MME: variants seen among roughly 807,000 people sequenced by gnomAD.
The protein encoded by MME is membrane metalloendopeptidase.
MME carries 98 observed loss-of-function variants against 113.2 expected under a neutral mutation model. The ratio of observed to expected loss-of-function variants is 0.87; its 90% CI spans 0.74 to 1.02. MME has a LOEUF of 1.02. Ranked by LOEUF, MME falls within the 50% of genes least tolerant of loss-of-function variation. The pLI, the probability that MME is intolerant of heterozygous loss-of-function variation, is 0.00. For synonymous variants in MME, 292 were observed against 300.6 expected (o/e 0.97, Z 0.30); for missense variants, 836 against 896.0 (o/e 0.93, Z 0.86).
intron 20 of MME, among the ~76,000 whole-genome samples, chr3:155,171,228 G>A (rs144641381): frequency 5.3e-5 from 8 of 152,234 alleles, no homozygotes; most frequent in East Asian, 1.9e-4. Flanking sequence ...AATTCTTAAC[G>A]TGTAATGCCT....
chr3:155,050,104 A>G (rs1713709244), intron 1 of MME, among the ~76,000 whole-genome samples: 1 of 152,048 alleles, frequency 6.6e-6, no homozygotes, highest in Admixed American at 6.6e-5. Context: ...CTCTTCCTGC[A>G]TTAGTTTGCT....
chr3:155,032,295 T>C (rs1000456915), intron 1 of MME, among the ~76,000 whole-genome samples: 2 of 152,218 alleles, frequency 1.3e-5, no homozygotes, highest in Non-Finnish European at 2.9e-5. Flanking sequence ...GATTACAAAT[T>C]TTCCCTTAAG....
chr3:155,084,443 A>C, intron 2 of MME, 116 bp downstream of exon 2: 1 of 997,978 alleles, frequency 1.0e-6, no homozygotes, highest in Non-Finnish European at 1.6e-6. Context: ...AAAGACTGAC[A>C]AAGAGATTCA....
chr3:155,073,506 A>C (rs138721498), intron 1 of MME, among the ~76,000 whole-genome samples: 1 of 152,340 alleles, frequency 6.6e-6, no homozygotes, highest in African/African-American at 2.4e-5. Context: ...TGTTTTAAAC[A>C]ATAGTAGTGG....
chr3:155,038,716 A>G (rs922151932), intron 1 of MME, among the ~76,000 whole-genome samples: 1 of 152,022 alleles, frequency 6.6e-6, no homozygotes, highest in Non-Finnish European at 1.5e-5. Flanking sequence ...CTTCTTTACA[A>G]TTTCGTGTAT....
intron 3 of MME, among the ~76,000 whole-genome samples, chr3:155,113,987 A>C (rs912019809): frequency 5.9e-5 from 9 of 152,210 alleles, no homozygotes; most frequent in Non-Finnish European, 1.2e-4. Context: ...GCTGGAAACC[A>C]TGTTTACCAT....
At chr3:155,060,723 TG>T (rs1393288526) in intron 1 of MME, among the ~76,000 whole-genome samples, 2 of 150,842 alleles carry the variant, frequency 1.3e-5, no homozygotes, top group African/African-American at 5.0e-5. Flanking sequence ...TTCTGGAGGG[TG>T]GAAGTCTGTA....
intron 1 of MME, among the ~76,000 whole-genome samples, chr3:155,047,390 C>A (rs1405814337): frequency 1.3e-5 from 2 of 152,132 alleles, no homozygotes; most frequent in Non-Finnish European, 2.9e-5. Flanking sequence ...TAAGCTGTAT[C>A]ATCTAGGTTT....
At chr3:155,101,640 C>T (rs1002785696) in intron 3 of MME, among the ~76,000 whole-genome samples, 4 of 152,138 alleles carry the variant, frequency 2.6e-5, no homozygotes, top group Admixed American at 2.6e-4. Context: ...AGCTCTTAAC[C>T]TCATGACCTT....
In MME at chr3:155,180,388, G is replaced by A; in HGVS notation, c.2182G>A (p.Glu728Lys). The A allele has an allele frequency of 6.2e-7, 1 of 1,613,612 alleles. No homozygotes were observed. Among genetic ancestry groups the A allele is most frequent in the Non-Finnish European group, 8.5e-7 (1 of 1,179,580 alleles). Residue 728 changes from glutamate (E) to lysine (K), a missense_variant, in exon 23 of 23, where the codon GAG (glutamate) becomes AAG (lysine). By Grantham distance (56) the Glu-to-Lys change is moderately conservative (BLOSUM62 1). Coordinates refer to ENST00000360490, the MANE Select transcript of MME (RefSeq NM_007289.4). ...RIIGTLQNSA[E>K]FSEAFHCRKN... ...TATTGGGACTTTGCAGAACTCTGCA[G>A]AGTTTTCAGAAGCCTTTCACTGCCG...
At chr3:155,144,596 AAG>A in intron 14 of MME, 139 bp downstream of exon 14, 1 of 646,446 alleles carries the variant, frequency 1.5e-6, no homozygotes, top group Non-Finnish European at 2.8e-6. Flanking sequence ...TGTTTCCAGA[AAG>A]AGTTTTTGTG....
At chr3:155,047,413 T>C (rs75716178) in intron 1 of MME, among the ~76,000 whole-genome samples, 6,652 of 152,238 alleles carry the variant, frequency 0.044, 159 homozygotes, top group African/African-American at 0.052. Flanking sequence ...GTAAGTACAC[T>C]CTATGGTATT....
At chr3:155,137,327 G>T (rs886188232) in intron 8 of MME, among the ~76,000 whole-genome samples, 1 of 152,152 alleles carries the variant, frequency 6.6e-6, no homozygotes, top group Non-Finnish European at 1.5e-5. Flanking sequence ...CAGATAAAAA[G>T]AAGTGTGATT....
At chr3:155,040,158 T>G (rs1047113174) in intron 1 of MME, among the ~76,000 whole-genome samples, 1 of 151,950 alleles carries the variant, frequency 6.6e-6, no homozygotes, top group Non-Finnish European at 1.5e-5. Flanking sequence ...AAAGGAGAGG[T>G]TGATTGGCTT....
chr3:155,180,247 T>C, intron 22 of MME, 113 bp from the exon 23 acceptor site: 1 of 831,588 alleles, frequency 1.2e-6, no homozygotes. Context: ...TAAGTTTAAC[T>C]TTAAATTCCA....
chr3:155,066,460 G>A (rs1714382420), intron 1 of MME, among the ~76,000 whole-genome samples: 1 of 152,116 alleles, frequency 6.6e-6, no homozygotes, highest in Admixed American at 6.6e-5. Context: ...AATAGTGGAG[G>A]CACCTCCTTG....
intron 22 of MME, among the ~76,000 whole-genome samples, chr3:155,179,497 A>C (rs768880984): frequency 1.6e-4 from 24 of 152,204 alleles, no homozygotes; most frequent in Admixed American, 5.9e-4. Flanking sequence ...AGAATTCCAT[A>C]AATCAAAATG....
intron 1 of MME, among the ~76,000 whole-genome samples, chr3:155,070,883 T>G (rs1714528243): frequency 1.3e-5 from 2 of 152,174 alleles, no homozygotes; most frequent in Non-Finnish European, 2.9e-5. Flanking sequence ...ATTGAGCAGA[T>G]GTCCCCCTGA....
At chr3:155,058,137 C>A (rs1430772941) in intron 1 of MME, among the ~76,000 whole-genome samples, 1 of 151,936 alleles carries the variant, frequency 6.6e-6, no homozygotes, top group East Asian at 1.9e-4. Flanking sequence ...TTGTATTAAC[C>A]CCTGTAAATA....
Sources: allele counts gnomAD v4.1 joint callset (sites outside exome capture counted in the v4.1 genomes callset), GRCh38; gene constraint gnomAD v4.1.1; transcripts MANE v1.5; gene names NCBI Gene and HGNC (gene_info 2026-07-23, HGNC 2026-07-21).